Variants in ULK4 observed in about 807,000 individuals in gnomAD.
ULK4 encodes the protein inactive serine/threonine-protein kinase ULK4.
In ULK4, 133 loss-of-function variants were observed where a neutral mutation model predicts 160.6. That is an observed-to-expected ratio of 0.83 (90% CI 0.72 to 0.96). The LOEUF (loss-of-function observed/expected upper bound fraction) is 0.96, where lower values mean the gene tolerates loss of function less well. ULK4 is among the 40% of genes least tolerant of loss of function. The pLI is 0.00. For synonymous variants in ULK4, 534 were observed against 539.8 expected, an observed-to-expected ratio of 0.99 and a Z score of 0.15; for missense variants, 1,580 against 1,499.5, an observed-to-expected ratio of 1.05 and a Z score of -0.89.
chr3:41,830,096 C>T (rs982523172), intron 18 of ULK4, among the ~76,000 whole-genome samples: 13 of 151,818 alleles, frequency 8.6e-5, no homozygotes, highest in African/African-American at 2.9e-4. Flanking sequence ...AATTGAACAA[C>T]GAGAACACAT....
At chr3:41,632,265 G>C (rs1201391682) in intron 30 of ULK4, among the ~76,000 whole-genome samples, 1 of 152,148 alleles carries the variant, frequency 6.6e-6, no homozygotes, top group East Asian at 1.9e-4. Flanking sequence ...GATTGTACCA[G>C]CATTTCTTTT....
chr3:41,516,936 C>A (rs13062908), intron 32 of ULK4, among the ~76,000 whole-genome samples: 22 of 152,022 alleles, frequency 1.4e-4, no homozygotes, highest in African/African-American at 2.4e-4. Context: ...CTCATGTATC[C>A]CATAAATATA....
At chr3:41,644,925 G>A (rs1216713979) in intron 30 of ULK4, among the ~76,000 whole-genome samples, 7 of 152,072 alleles carry the variant, frequency 4.6e-5, no homozygotes, top group African/African-American at 1.4e-4. Context: ...GTCTTGGGAG[G>A]GTGTATGTGT....
At chr3:41,773,789 G>C (rs927261461) in intron 21 of ULK4, among the ~76,000 whole-genome samples, 2 of 152,152 alleles carry the variant, frequency 1.3e-5, no homozygotes, top group Non-Finnish European at 2.9e-5. Flanking sequence ...AAAGAACAAA[G>C]CTGGAGGCAT....
rs560018849 is a variant in ULK4 at position 41,649,678 on chromosome 3, G to T, written c.3071+13929C>A. Among the ~76,000 whole-genome samples the T allele has an allele frequency of 7.2e-5, 11 of 152,342 alleles. No individual in the cohort carries two copies. The East Asian group carries it at 2.1e-3, about 29-fold the overall frequency. The stretch of plus-strand genomic sequence containing the variant: ...GAGCATGGGAAGAAGGCTGGGTGGG[G>T]GTGCTGAGGGTGGCTTGGCACAGGC... On this transcript the variant is annotated intron_variant, in intron 30 of 36. Coordinates refer to ENST00000301831, the MANE Select transcript of ULK4 (RefSeq NM_017886.4).
intron 30 of ULK4, among the ~76,000 whole-genome samples, chr3:41,647,676 G>A (rs9823531): frequency 0.12 from 18,773 of 152,252 alleles, 1,914 homozygotes; most frequent in African/African-American, 0.27. Context: ...CAGTCTGCCC[G>A]TTCTCAGATC....
chr3:41,641,158 C>T (rs1041349374), intron 30 of ULK4, among the ~76,000 whole-genome samples: 2 of 152,154 alleles, frequency 1.3e-5, no homozygotes, highest in African/African-American at 2.4e-5. Context: ...AGGCTGAATA[C>T]GCAATATCCA....
chr3:41,634,963 G>C (rs1040110923), intron 30 of ULK4, among the ~76,000 whole-genome samples: 9 of 152,172 alleles, frequency 5.9e-5, no homozygotes, highest in Non-Finnish European at 1.2e-4. Flanking sequence ...AACACTTAAA[G>C]AGTTAGTAGG....
chr3:41,381,429 TG>T (rs1433233026), intron 35 of ULK4, among the ~76,000 whole-genome samples: 1 of 152,200 alleles, frequency 6.6e-6, no homozygotes, highest in Non-Finnish European at 1.5e-5. Context: ...CATTTCCAGA[TG>T]GATGTTCAAC....
intron 35 of ULK4, among the ~76,000 whole-genome samples, chr3:41,303,312 G>A (rs1338248373): frequency 2.0e-5 from 3 of 152,168 alleles, no homozygotes; most frequent in African/African-American, 7.2e-5. Flanking sequence ...ATCATAGCAA[G>A]AAGTAAAACT....
chr3:41,624,980 T>C (rs1429930558), intron 30 of ULK4, among the ~76,000 whole-genome samples: 1 of 152,228 alleles, frequency 6.6e-6, no homozygotes, highest in African/African-American at 2.4e-5. Context: ...AAAAAATTTC[T>C]GTATTGTTTT....
chr3:41,626,778 G>A (rs530300322), intron 30 of ULK4, among the ~76,000 whole-genome samples: 27 of 152,058 alleles, frequency 1.8e-4, no homozygotes, highest in Non-Finnish European at 2.5e-4. Context: ...CACCCGCCTC[G>A]GCCTCCCAAA....
chr3:41,758,242 TA>T (rs956265689), intron 21 of ULK4, among the ~76,000 whole-genome samples: 1 of 152,126 alleles, frequency 6.6e-6, no homozygotes, highest in Non-Finnish European at 1.5e-5. Context: ...AAATTTCCAT[TA>T]TTTATAAATT....
In ULK4 at chr3:41,954,878, G is replaced by A. The variant is rs2148846248; in HGVS notation, c.-48-71C>T. On this transcript the variant is annotated intron_variant, in intron 1 of 36. Coordinates refer to ENST00000301831, the MANE Select transcript of ULK4 (RefSeq NM_017886.4). ...ATAATTAATTAGCCTAGGATAATTAGCCTAGGATATTATATGTGTAAAAAA... is the reference window on the plus strand; with the variant it reads ...ATAATTAATTAGCCTAGGATAATTAACCTAGGATATTATATGTGTAAAAAA... 3.1e-6 allele frequency: 3 copies of A among 966,316 alleles called. No individual in the cohort carries two copies. The South Asian group carries it at 5.8e-5, about 19-fold the overall frequency. 59.9% of individuals were successfully genotyped at this position (966,316 alleles called of 1,614,324 possible).
At chr3:41,611,447 T>C (rs2125677256) in intron 31 of ULK4, among the ~76,000 whole-genome samples, 1 of 152,336 alleles carries the variant, frequency 6.6e-6, no homozygotes, top group Non-Finnish European at 1.5e-5. Context: ...GCCCACTCTC[T>C]GCCCTGAATG....
At position 41,911,330 on chromosome 3, in the gene ULK4, T is replaced by C. The variant is rs188362312; in HGVS notation, c.1072A>G (p.Met358Val). 198 of 1,613,910 alleles carry C rather than the reference T, an allele frequency of 1.2e-4. No homozygotes were observed. Among genetic ancestry groups the C allele is most frequent in the African/African-American group, 1.3e-5 (1 of 75,058 alleles). Residue 358 changes from methionine to valine, a missense_variant, in exon 11 of 37, where the codon ATG (methionine) becomes GTG (valine). Transcript: ENST00000301831. ...STLEGQLNES[M>V]FLLSSRPTPR... The stretch of plus-strand genomic sequence containing the variant: ...CATTTTACCTACCTGAGAAGAAACA[T>C]GGATTCATTCAATTGACCCTCAAGA...
intron 21 of ULK4, among the ~76,000 whole-genome samples, chr3:41,758,999 C>G (rs1227177962): frequency 6.6e-6 from 1 of 152,060 alleles, no homozygotes; most frequent in Non-Finnish European, 1.5e-5. Context: ...GATAAAAACT[C>G]TCAGTAACCT....
intron 31 of ULK4, among the ~76,000 whole-genome samples, chr3:41,607,550 A>G (rs961073851): frequency 1.2e-4 from 18 of 152,198 alleles, no homozygotes; most frequent in African/African-American, 4.1e-4. Context: ...TTTGAAGTGT[A>G]ACATTAAAAT....
chr3:41,922,513 A>T (rs1037183400), intron 5 of ULK4, among the ~76,000 whole-genome samples: 1 of 151,990 alleles, frequency 6.6e-6, no homozygotes, highest in African/African-American at 2.4e-5. Context: ...ACAAGAACCG[A>T]AAGAGTAAGG....
Sources: allele counts gnomAD v4.1 joint callset (sites outside exome capture counted in the v4.1 genomes callset), GRCh38; gene constraint gnomAD v4.1.1; transcripts MANE v1.5; gene names NCBI Gene and HGNC (gene_info 2026-07-23, HGNC 2026-07-21).